The following CNBD1 variants were observed in gnomAD, a reference collection of about 807,000 sequenced individuals.
The protein encoded by CNBD1 is cyclic nucleotide-binding domain-containing protein 1.
A neutral mutation model predicts 54.4 loss-of-function variants in CNBD1; 71 were observed. The ratio of observed to expected loss-of-function variants is 1.30; its 90% confidence interval spans 1.08 to 1.59. The LOEUF is 1.59. Among genes scored for constraint, CNBD1 ranks in the 40% most tolerant of loss-of-function variants. CNBD1 has a pLI of 0.00. For synonymous variants in CNBD1, 182 were observed against 170.7 expected, an observed-to-expected ratio of 1.07 and a Z score of -0.51; for missense variants, 659 against 518.0, an observed-to-expected ratio of 1.27 and a Z score of -2.64.
intron 4 of CNBD1, among the ~76,000 whole-genome samples, chr8:87,035,475 A>G (rs560180431): frequency 9.8e-5 from 15 of 152,358 alleles, no homozygotes; most frequent in Admixed American, 7.2e-4. Flanking sequence ...TTTATTACAT[A>G]TACTTCAATT....
chr8:87,321,600 C>A (rs1809534353), intron 8 of CNBD1, among the ~76,000 whole-genome samples: 1 of 152,002 alleles, frequency 6.6e-6, no homozygotes, highest in Admixed American at 6.6e-5. Flanking sequence ...AACCATTTAT[C>A]AGGTATATAG....
intron 8 of CNBD1, among the ~76,000 whole-genome samples, chr8:87,308,197 G>A (rs1212070777): frequency 6.6e-6 from 1 of 152,116 alleles, no homozygotes; most frequent in African/African-American, 2.4e-5. Context: ...ACTTGGGCCA[G>A]GGGATGGAAT....
In CNBD1 at chr8:87,411,397, C is replaced by CATATATACATATATATATAT. The variant is rs1554588016; in HGVS notation, c.214-17142_214-17141insCATATATATATATATATATA. Among the ~76,000 whole-genome samples the CATATATACATATATATATAT allele has an allele frequency of 4.3e-3, 401 of 92,372 alleles. 15 individuals are homozygous for CATATATACATATATATATAT. The highest frequency in any genetic ancestry group is 0.016 in the African/African-American group (376 of 23,018). 60.6% of individuals were successfully genotyped at this position (92,372 alleles called of 152,430 possible). A position where few individuals can be genotyped will look rare whatever the true frequency, so the allele number is the denominator to read the frequency against. ...ATAGGCAGGATTAACCTAGCTATATCATATATATATATATATATATATATA... is the reference window on the plus strand; with the variant it reads ...ATAGGCAGGATTAACCTAGCTATATCATATATACATATATATATATATATATATATATATATATATATATA... On this transcript the variant is annotated intron_variant, in intron 2 of 7. Coordinates refer to the CNBD1 transcript ENST00000521593.
intron 6 of CNBD1, among the ~76,000 whole-genome samples, chr8:87,263,546 T>C (rs938430486): frequency 1.3e-5 from 2 of 152,056 alleles, no homozygotes; most frequent in Non-Finnish European, 2.9e-5. Flanking sequence ...AGGTAAGTAA[T>C]TGTTTTTTTC....
chr8:86,938,383 CT>C (rs1478108691), intron 3 of CNBD1, among the ~76,000 whole-genome samples: 4 of 152,178 alleles, frequency 2.6e-5, no homozygotes, highest in Non-Finnish European at 5.9e-5. Flanking sequence ...CACTTCCACA[CT>C]TTACTGGTAC....
chr8:86,946,276 C>A (rs1250379918), intron 4 of CNBD1, among the ~76,000 whole-genome samples: 3 of 152,048 alleles, frequency 2.0e-5, no homozygotes, highest in Non-Finnish European at 1.5e-5. Context: ...GAATAAATAA[C>A]AGCTATTACT....
intron 10 of CNBD1, among the ~76,000 whole-genome samples, chr8:87,371,210 G>A (rs1478005842): frequency 6.6e-6 from 1 of 151,982 alleles, no homozygotes; most frequent in Non-Finnish European, 1.5e-5. Flanking sequence ...GGGCAATGGG[G>A]GCTCTTTTTT....
intron 4 of CNBD1, among the ~76,000 whole-genome samples, chr8:87,131,768 TG>T (rs1428549057): frequency 6.6e-6 from 1 of 152,006 alleles, no homozygotes; most frequent in African/African-American, 2.4e-5. Flanking sequence ...TATCAAATTA[TG>T]AAAAAAAATA....
At chr8:87,352,151 C>T (rs1327859694) in intron 9 of CNBD1, among the ~76,000 whole-genome samples, 4 of 152,016 alleles carry the variant, frequency 2.6e-5, no homozygotes, top group African/African-American at 4.8e-5. Context: ...ATAGTTTCTC[C>T]AGAGAAGTGA....
At chr8:87,389,136 C>G (rs551168571) in intron 2 of CNBD1, among the ~76,000 whole-genome samples, 5 of 152,230 alleles carry the variant, frequency 3.3e-5, no homozygotes, top group African/African-American at 1.2e-4. Context: ...AAACCCACAG[C>G]CAATATCATC....
chr8:87,070,347 C>T (rs571877391), intron 4 of CNBD1, among the ~76,000 whole-genome samples: 1 of 152,022 alleles, frequency 6.6e-6, no homozygotes, highest in East Asian at 1.9e-4. Flanking sequence ...GGAGAAACCA[C>T]CTTTGGAATT....
At chr8:86,984,719 A>G (rs1283642303) in intron 4 of CNBD1, among the ~76,000 whole-genome samples, 1 of 152,012 alleles carries the variant, frequency 6.6e-6, no homozygotes, top group Admixed American at 6.5e-5. Flanking sequence ...GTTTTGGCCA[A>G]TTTCTCCCAT....
chr8:87,089,604 T>G (rs1427553507), intron 4 of CNBD1, among the ~76,000 whole-genome samples: 1 of 152,068 alleles, frequency 6.6e-6, no homozygotes, highest in Non-Finnish European at 1.5e-5. Flanking sequence ...CTAAACAAGA[T>G]ATTGAGTTAG....
chr8:87,344,304 G>A (rs28491438), intron 8 of CNBD1, among the ~76,000 whole-genome samples: 1,888 of 151,942 alleles, frequency 0.012, 47 homozygotes, highest in African/African-American at 0.043. Flanking sequence ...AATAGTTTCA[G>A]AATAATCAAA....
chr8:86,957,206 G>A (rs1283702245), intron 4 of CNBD1, among the ~76,000 whole-genome samples: 2 of 152,180 alleles, frequency 1.3e-5, no homozygotes, highest in East Asian at 3.8e-4. Context: ...TAAGCTTTTT[G>A]ATGAGCTGCT....
At chr8:87,364,309 G>T (rs1411233646) in intron 10 of CNBD1, among the ~76,000 whole-genome samples, 1 of 151,508 alleles carries the variant, frequency 6.6e-6, no homozygotes, top group Non-Finnish European at 1.5e-5. Flanking sequence ...TGATATTTTA[G>T]CCTGACAATA....
chr8:87,277,228 G>A (rs1408577504), intron 6 of CNBD1, among the ~76,000 whole-genome samples: 1 of 151,616 alleles, frequency 6.6e-6, no homozygotes, highest in Non-Finnish European at 1.5e-5. Flanking sequence ...GCCAGAAAGA[G>A]CTAATGTACC....
intron 8 of CNBD1, among the ~76,000 whole-genome samples, chr8:87,301,524 A>G (rs992969346): frequency 6.6e-6 from 1 of 152,196 alleles, no homozygotes; most frequent in Non-Finnish European, 1.5e-5. Context: ...CATACCAAAG[A>G]TGCAGGGATA....
chr8:86,931,867 T>C (rs1156776150), intron 3 of CNBD1, among the ~76,000 whole-genome samples: 2 of 152,120 alleles, frequency 1.3e-5, no homozygotes, highest in East Asian at 3.9e-4. Flanking sequence ...AGCAGTAAGA[T>C]TTTCTTCCTT....
Sources: gnomAD v4.1 joint callset for allele counts (sites outside exome capture counted in the v4.1 genomes callset) on GRCh38, gnomAD v4.1.1 for gene constraint, MANE v1.5 for transcripts, NCBI Gene and HGNC (gene_info 2026-07-23, HGNC 2026-07-21) for gene names.